CCND3: variants seen among roughly 807,000 people sequenced by gnomAD.
CCND3 encodes cyclin D3.
CCND3 carries 9 observed loss-of-function variants against 28.7 expected under a neutral mutation model. That is an observed-to-expected ratio of 0.31 (90% CI 0.19 to 0.55). The LOEUF is 0.55. CCND3 is among the 20% of genes least tolerant of loss of function. The probability of loss-of-function intolerance (pLI) is 0.93; values close to 1 mark genes in which losing one functional copy is unlikely to be tolerated. For missense variants in CCND3, 315 were observed against 385.8 expected, an observed-to-expected ratio of 0.82 and a Z score of 1.54; for synonymous variants, 164 against 163.9, an observed-to-expected ratio of 1.00 and a Z score of 0.00.
intron 1 of CCND3, among the ~76,000 whole-genome samples, chr6:42,046,165 G>A (rs1333997636): frequency 2.6e-5 from 4 of 152,160 alleles, no homozygotes; most frequent in Admixed American, 6.5e-5. Flanking sequence ...CCGCCTCAAG[G>A]CCTCCCCAAA....
At chr6:41,990,092 T>C (rs1762604909) in intron 1 of CCND3, among the ~76,000 whole-genome samples, 1 of 152,076 alleles carries the variant, frequency 6.6e-6, no homozygotes, top group South Asian at 2.1e-4. Context: ...GATAAACAAA[T>C]TCAGTAAAGT....
chr6:41,949,822 T>C (rs1025653137), intron 1 of CCND3, among the ~76,000 whole-genome samples: 2 of 150,278 alleles, frequency 1.3e-5, no homozygotes, highest in Non-Finnish European at 3.0e-5. Flanking sequence ...GGGCCGGGTG[T>C]GGTGGCTCAA....
intron 1 of CCND3, among the ~76,000 whole-genome samples, chr6:41,953,585 A>G (rs1776367995): frequency 6.6e-6 from 1 of 152,066 alleles, no homozygotes. Flanking sequence ...GTGTGACCCA[A>G]CAGACCACTC....
In CCND3 at chr6:41,940,376, C is replaced by G. The variant is rs2127393537; in HGVS notation, c.408G>C (p.Gln136His). ...GGGGGAGTTACACACGCACCCGCAACTGGCGGGGAGAGACAGCGTGGTCGG... is the reference window on the plus strand; with the variant it reads ...GGGGGAGTTACACACGCACCCGCAAGTGGCGGGGAGAGACAGCGTGGTCGG... ...IYTDHAVSPR[Q>H]LRDWEVLVLG... Residue 136 changes from glutamine (Q) to histidine (H), a missense_variant, in exon 2 of 5, where the codon CAG becomes CAC. Coordinates refer to ENST00000372991, the MANE Select transcript of CCND3 (RefSeq NM_001760.5). 1 of 1,613,612 alleles carries G rather than the reference C, an allele frequency of 6.2e-7. No individual in the cohort carries two copies. The highest frequency in any genetic ancestry group is 1.7e-4 in the Middle Eastern group (1 of 6,058).
At chr6:41,959,175 G>A (rs1344310687) in intron 1 of CCND3, among the ~76,000 whole-genome samples, 2 of 152,278 alleles carry the variant, frequency 1.3e-5, no homozygotes, top group East Asian at 3.9e-4. Flanking sequence ...TTAGCTGGGA[G>A]TGATAGCGCA....
upstream of CCND3, among the ~76,000 whole-genome samples, chr6:41,945,310 T>C (rs1288423522): frequency 6.6e-6 from 1 of 152,160 alleles, no homozygotes; most frequent in East Asian, 1.9e-4. Flanking sequence ...AGTCAGGAGT[T>C]CGAGACCAGC....
chr6:42,007,861 G>C (rs2127425635), intron 1 of CCND3, among the ~76,000 whole-genome samples: 1 of 152,184 alleles, frequency 6.6e-6, no homozygotes, highest in East Asian at 1.9e-4. Context: ...AAAATAAAAA[G>C]AGTGGCTGTT....
upstream of CCND3, among the ~76,000 whole-genome samples, chr6:41,946,624 A>G (rs7763315): frequency 7.8e-3 from 1,137 of 146,118 alleles, 27 homozygotes; most frequent in African/African-American, 0.027. Context: ...AAAAAAAAAA[A>G]GCAGTAAACC....
chr6:41,955,821 G>A (rs929180167), intron 1 of CCND3, among the ~76,000 whole-genome samples: 9 of 152,000 alleles, frequency 5.9e-5, no homozygotes, highest in African/African-American at 2.2e-4. Context: ...GTATGGTGGT[G>A]CATGCCTGCA....
intron 1 of CCND3, among the ~76,000 whole-genome samples, chr6:42,023,278 G>C (rs554830384): frequency 6.6e-6 from 1 of 152,168 alleles, no homozygotes; most frequent in South Asian, 2.1e-4. Flanking sequence ...AATGGCCCCC[G>C]AGCCTAGGGC....
intron 1 of CCND3, among the ~76,000 whole-genome samples, chr6:41,995,180 A>T (rs1762764890): frequency 6.6e-6 from 1 of 152,212 alleles, no homozygotes; most frequent in African/African-American, 2.4e-5. Context: ...AAATTTGTAA[A>T]CAACCTTACA....
chr6:42,046,000 C>A (rs1297421370), intron 1 of CCND3, among the ~76,000 whole-genome samples: 1 of 152,180 alleles, frequency 6.6e-6, no homozygotes, highest in Non-Finnish European at 1.5e-5. Context: ...GTTTATAGTT[C>A]TTAAGGTTCA....
chr6:41,980,120 G>A lies in CCND3; in HGVS notation c.-45-39535C>T, dbSNP rs892864733. Among the ~76,000 whole-genome samples, 10 of 80,036 alleles carry A rather than the reference G, an allele frequency of 1.2e-4. No individual in the cohort carries two copies. In the Admixed American group the frequency reaches 1.8e-3, roughly 14 times the overall value. The allele number at this position is 80,036 out of a possible 152,430, so 52.5% of individuals were successfully genotyped here. A position where few individuals can be genotyped will look rare whatever the true frequency, so the allele number is the denominator to read the frequency against. On this transcript the variant is annotated intron_variant, in intron 1 of 4. Transcript: ENST00000372988. ...AAACAGGAAGTATCAGGCTCAGATA[G>A]GTTTACTGGAATTTTTTTTTTTTTT...
intron 1 of CCND3, among the ~76,000 whole-genome samples, chr6:41,954,876 A>C (rs893660691): frequency 6.6e-6 from 1 of 152,192 alleles, no homozygotes; most frequent in Non-Finnish European, 1.5e-5. Context: ...AGCTGCAGCC[A>C]TCTTGCAATA....
chr6:41,973,513 T>C (rs1400021012), intron 1 of CCND3, among the ~76,000 whole-genome samples: 1 of 152,204 alleles, frequency 6.6e-6, no homozygotes, highest in Non-Finnish European at 1.5e-5. Context: ...ACTATAATGT[T>C]CCATATTATG....
chr6:41,936,953 T>C lies in CCND3; in HGVS notation c.575-258A>G. 1.7e-6 allele frequency: 1 copy of C among 592,632 alleles called. No homozygotes were observed. Among genetic ancestry groups the C allele is most frequent in the Non-Finnish European group, 3.0e-6 (1 of 335,130 alleles). The allele number at this position is 592,632 out of a possible 1,614,324, so 36.7% of individuals were successfully genotyped here. Reference sequence around the variant, plus strand: ...ACACTCCCTAGTATGGGAACACAACTAGGGCCAAGAGACTGGGGTTCTGTT... The same window carrying C: ...ACACTCCCTAGTATGGGAACACAACCAGGGCCAAGAGACTGGGGTTCTGTT... On this transcript the variant is annotated intron_variant, in intron 3 of 4. Coordinates refer to ENST00000372991, the MANE Select transcript of CCND3 (RefSeq NM_001760.5). This position sits in a 1 kb window ranked among gnomAD's most constrained non-coding sequence, Gnocchi z 4.4.
At chr6:42,042,841 G>A (rs943893029) in intron 1 of CCND3, among the ~76,000 whole-genome samples, 5 of 151,498 alleles carry the variant, frequency 3.3e-5, no homozygotes, top group Non-Finnish European at 7.4e-5. Context: ...CAGAGAGGTG[G>A]GGTCTATAGT....
At chr6:41,940,816 C>T (rs933458244) in intron 1 of CCND3, 18 of 993,622 alleles carry the variant, frequency 1.8e-5, no homozygotes, top group African/African-American at 7.9e-5. Flanking sequence ...GTGGTAAAGC[C>T]AAGGAGCCCT....
At chr6:42,008,211 T>C (rs936367402) in intron 1 of CCND3, among the ~76,000 whole-genome samples, 9 of 151,934 alleles carry the variant, frequency 5.9e-5, no homozygotes, top group African/African-American at 2.2e-4. Context: ...CGAAACCCCA[T>C]CCCTACTAAA....
Sources: allele counts gnomAD v4.1 joint callset (sites outside exome capture counted in the v4.1 genomes callset), GRCh38; gene constraint gnomAD v4.1.1; non-coding constraint Gnocchi (gnomAD v3.1); transcripts MANE v1.5; gene names NCBI Gene and HGNC (gene_info 2026-07-23, HGNC 2026-07-21).